FRMD5: variants seen among roughly 807,000 people sequenced by gnomAD.
The protein encoded by FRMD5 is FERM domain containing 5, also known as FERM domain-containing protein 5.
A neutral mutation model predicts 69.0 loss-of-function variants in FRMD5; 20 were observed. The observed-to-expected ratio is 0.29, with a 90% CI of 0.20 to 0.42. FRMD5 has a LOEUF of 0.42. FRMD5 is among the 10% of genes least tolerant of loss of function. FRMD5 has a pLI of 1.00. For missense variants in FRMD5, 595 were observed against 708.6 expected (o/e 0.84, Z 1.82); for synonymous variants, 271 against 260.1 (o/e 1.04, Z -0.40).
intron 1 of FRMD5, among the ~76,000 whole-genome samples, chr15:44,143,708 G>A (rs1022140665): frequency 2.0e-5 from 3 of 151,056 alleles, no homozygotes; most frequent in African/African-American, 7.3e-5. Flanking sequence ...GGCTGATCAC[G>A]AGGCCAGGAG....
chr15:44,020,808 G>C (rs1230530304), intron 1 of FRMD5, among the ~76,000 whole-genome samples: 2 of 152,134 alleles, frequency 1.3e-5, no homozygotes, highest in Non-Finnish European at 2.9e-5. Context: ...GTTGATTTCA[G>C]TGGTGTAAGT....
chr15:43,969,651 T>C (rs938428767), intron 1 of FRMD5, among the ~76,000 whole-genome samples: 9 of 152,226 alleles, frequency 5.9e-5, no homozygotes, highest in African/African-American at 1.9e-4. Context: ...TGGAAGTTCT[T>C]ATAAAGGACT....
At chr15:43,978,344 G>A (rs1203909496) in intron 1 of FRMD5, among the ~76,000 whole-genome samples, 1 of 152,160 alleles carries the variant, frequency 6.6e-6, no homozygotes, top group Non-Finnish European at 1.5e-5. Context: ...CCAAGTGTTG[G>A]CAAGCATTTG....
chr15:43,926,338 T>A (rs775372941), intron 1 of FRMD5, among the ~76,000 whole-genome samples: 5 of 152,128 alleles, frequency 3.3e-5, no homozygotes, highest in Non-Finnish European at 5.9e-5. Flanking sequence ...CGGGTCTATG[T>A]CTAATTTTGC....
chr15:44,175,767 T>C (rs1479538287), intron 1 of FRMD5, among the ~76,000 whole-genome samples: 1 of 152,094 alleles, frequency 6.6e-6, no homozygotes, highest in Non-Finnish European at 1.5e-5. Context: ...TAAAATAGAA[T>C]AGTACTCAGC....
intron 1 of FRMD5, among the ~76,000 whole-genome samples, chr15:44,095,884 T>C (rs1002571087): frequency 1.3e-5 from 2 of 152,128 alleles, no homozygotes; most frequent in African/African-American, 2.4e-5. Flanking sequence ...CTTAACAGAC[T>C]CCAGGAAGGC....
At chr15:44,117,821 T>C (rs1428137338) in intron 1 of FRMD5, among the ~76,000 whole-genome samples, 1 of 152,092 alleles carries the variant, frequency 6.6e-6, no homozygotes, top group Non-Finnish European at 1.5e-5. Flanking sequence ...AAGATACTTA[T>C]AACCTAAATT....
chr15:43,880,244 A>C (rs2088485741), intron 13 of FRMD5, among the ~76,000 whole-genome samples: 1 of 152,210 alleles, frequency 6.6e-6, no homozygotes, highest in African/African-American at 2.4e-5. Context: ...TAAATGGGCC[A>C]AATGGACTAT....
Position 43,909,874 on chromosome 15 carries a change from G to A in FRMD5, c.427+8C>T, listed in dbSNP as rs1438108165. On this transcript the variant is annotated splice_region_variant and intron_variant, in intron 5 of 13. Transcript: ENST00000417257. ...GAAAAGCAAACTTATCCTGTCAAAA[G>A]TCATTACCTTGAAGGATGTAAGCTG... 4 of 1,583,186 alleles carry A rather than the reference G, an allele frequency of 2.5e-6. No homozygotes were observed. Among genetic ancestry groups the A allele is most frequent in the African/African-American group, 1.3e-5 (1 of 74,220 alleles).
intron 1 of FRMD5, among the ~76,000 whole-genome samples, chr15:44,057,363 C>T (rs1169094813): frequency 6.6e-6 from 1 of 151,966 alleles, no homozygotes; most frequent in African/African-American, 2.4e-5. Context: ...GCCTCAGCCT[C>T]CCAAAGTGCT....
intron 1 of FRMD5, among the ~76,000 whole-genome samples, chr15:44,013,957 C>T (rs1890842579): frequency 6.6e-6 from 1 of 151,240 alleles, no homozygotes; most frequent in South Asian, 2.1e-4. Flanking sequence ...CCTGGGTTCA[C>T]ACCATTCTCC....
chr15:44,104,562 G>C (rs2076687633), intron 1 of FRMD5, among the ~76,000 whole-genome samples: 1 of 152,176 alleles, frequency 6.6e-6, no homozygotes, highest in Non-Finnish European at 1.5e-5. Context: ...ATACGTTAAA[G>C]ATGTTTGATG....
At chr15:44,045,559 G>T (rs879830816) in intron 1 of FRMD5, among the ~76,000 whole-genome samples, 2 of 152,122 alleles carry the variant, frequency 1.3e-5, no homozygotes, top group East Asian at 3.8e-4. Context: ...GTATATGCAC[G>T]TATAAATTCA....
At chr15:44,117,991 CTTTT>C (rs747747488) in intron 1 of FRMD5, among the ~76,000 whole-genome samples, 2,865 of 92,582 alleles carry the variant, frequency 0.031, 71 homozygotes, top group African/African-American at 0.11. Flanking sequence ...TTCTTTTTTA[CTTTT>C]TTTTTTTTTT....
chr15:44,060,550 C>CA (rs1893049172), intron 1 of FRMD5, among the ~76,000 whole-genome samples: 1 of 152,114 alleles, frequency 6.6e-6, no homozygotes, highest in South Asian at 2.1e-4. Context: ...ATATTCCCTT[C>CA]AAAATTAAAG....
intron 1 of FRMD5, among the ~76,000 whole-genome samples, chr15:43,938,672 G>A (rs1456502819): frequency 6.6e-6 from 1 of 152,142 alleles, no homozygotes; most frequent in African/African-American, 2.4e-5. Flanking sequence ...CACCACTCCT[G>A]TTGAAAACAG....
chr15:43,905,167 C>T (rs1054610597), intron 6 of FRMD5, among the ~76,000 whole-genome samples: 2 of 145,514 alleles, frequency 1.4e-5, no homozygotes, highest in South Asian at 2.2e-4. Context: ...GATGGAGTCT[C>T]GCTCTGTCAC....
chr15:44,136,351 AAAT>A (rs2077185574), intron 1 of FRMD5, among the ~76,000 whole-genome samples: 1 of 152,158 alleles, frequency 6.6e-6, no homozygotes, highest in Non-Finnish European at 1.5e-5. Context: ...TATCAGGTGC[AAAT>A]AATATTTTAA....
At chr15:44,153,899 T>C (rs943492449) in intron 1 of FRMD5, among the ~76,000 whole-genome samples, 3 of 151,588 alleles carry the variant, frequency 2.0e-5, no homozygotes, top group South Asian at 2.1e-4. Context: ...ACCCAGGAGG[T>C]AGAGGTTGCA....
Sources: allele counts gnomAD v4.1 joint callset (sites outside exome capture counted in the v4.1 genomes callset), GRCh38; gene constraint gnomAD v4.1.1; transcripts MANE v1.5; gene names NCBI Gene and HGNC (gene_info 2026-07-23, HGNC 2026-07-21).